Variants in SNX21 observed in about 807,000 individuals in gnomAD.
The protein encoded by SNX21 is sorting nexin family member 21, also known as sorting nexin-21.
SNX21 carries 36 observed loss-of-function variants against 30.9 expected under a neutral mutation model. The ratio of observed to expected loss-of-function variants is 1.16; its 90% CI spans 0.89 to 1.54. The LOEUF is 1.54. Among genes scored for constraint, SNX21 ranks in the 40% most tolerant of loss-of-function variants. The pLI is 0.00. For synonymous variants in SNX21, 218 were observed against 222.7 expected, an observed-to-expected ratio of 0.98 and a Z score of 0.19; for missense variants, 508 against 516.5, an observed-to-expected ratio of 0.98 and a Z score of 0.16.
At chr20:45,836,487 T>C in intron 3 of SNX21, among the ~76,000 whole-genome samples, 1 of 29,546 alleles carries the variant, frequency 3.4e-5, no homozygotes. Context: ...CGAGACTCCG[T>C]CTCAAAAAAA....
At position 45,834,260 on chromosome 20, in the gene SNX21, C is replaced by T. The variant is rs1249002444; in HGVS notation, c.81C>T (p.Pro27=). The change falls in exon 2 of 4, where the codon CCC becomes CCT. Residue 27 remains proline (P), a synonymous_variant. Coordinates refer to ENST00000491381, the MANE Select transcript of SNX21 (RefSeq NM_033421.4). Reference sequence around the variant, plus strand: ...GGCACGCCTTGGCCGGCGACGGCCCCGGGGAGGCGGCGGCCAGTCCAGAGG... The same window carrying T: ...GGCACGCCTTGGCCGGCGACGGCCCTGGGGAGGCGGCGGCCAGTCCAGAGG... ...RLRHALAGDG[P]GEAAASPEAE... The T allele has an allele frequency of 3.2e-6, 5 of 1,581,500 alleles. No homozygotes were observed. In the South Asian group the frequency reaches 4.5e-5, roughly 14 times the overall value.
chr20:45,842,769 A>T lies in SNX21; in HGVS notation c.*1456A>T. On this transcript the variant is annotated 3_prime_UTR_variant, in exon 4 of 4. Coordinates refer to ENST00000491381, the MANE Select transcript of SNX21 (RefSeq NM_033421.4). ...TGGCCCCATGATGAAGCCAAATCTG[A>T]ACCCATGTCCTCACTTCAAGGTTAT... 1 of 989,912 alleles carries T rather than the reference A, an allele frequency of 1.0e-6. No homozygotes were observed. The highest frequency in any genetic ancestry group is 1.2e-6 in the Non-Finnish European group (1 of 832,688). The allele number at this position is 989,912 out of a possible 1,614,324, so 61.3% of individuals were successfully genotyped here. A position where few individuals can be genotyped will look rare whatever the true frequency, so the allele number is the denominator to read the frequency against.
Position 45,843,209 on chromosome 20 carries a change from G to T in SNX21, c.*1896G>T. 1 of 508,202 alleles carries T rather than the reference G, an allele frequency of 2.0e-6. No homozygotes were observed. The highest frequency in any genetic ancestry group is 3.5e-6 in the Non-Finnish European group (1 of 289,168). 31.5% of individuals were successfully genotyped at this position (508,202 alleles called of 1,614,324 possible). A position where few individuals can be genotyped will look rare whatever the true frequency, so the allele number is the denominator to read the frequency against. ...GCTGTAATGTAACCCTCTTTGTTTA[G>T]ATGAGGAAACTGAGGTTCAGATGGA... On this transcript the variant is annotated 3_prime_UTR_variant, in exon 4 of 4. Coordinates refer to ENST00000491381, the MANE Select transcript of SNX21 (RefSeq NM_033421.4).
intron 3 of SNX21, 46 bp from the exon 4 acceptor site, chr20:45,840,593 G>A (rs771609031): frequency 1.2e-6 from 2 of 1,614,028 alleles, no homozygotes; most frequent in South Asian, 1.1e-5. Context: ...GAGGGAACGG[G>A]CCCGTGGACA....
chr20:45,836,268 C>T (rs1195690118), intron 3 of SNX21, among the ~76,000 whole-genome samples: 3 of 152,072 alleles, frequency 2.0e-5, no homozygotes, highest in South Asian at 4.1e-4. Flanking sequence ...GAAGCCGAGG[C>T]GGGCGGATCA....
Position 45,843,044 on chromosome 20 carries a change from C to T in SNX21, c.*1731C>T, listed in dbSNP as rs146800819. On this transcript the variant is annotated 3_prime_UTR_variant, in exon 4 of 4. Coordinates refer to ENST00000491381, the MANE Select transcript of SNX21 (RefSeq NM_033421.4). ...CGATCCCAATCAGGTTAATCAGAAT[C>T]ACTTAGAGAACTTAAAAATACAGTT... 20,490 of 1,146,100 alleles carry T rather than the reference C, an allele frequency of 0.018. 589 individuals are homozygous for T. The highest frequency in any genetic ancestry group is 0.12 in the South Asian group (6,021 of 52,188). The allele number at this position is 1,146,100 out of a possible 1,614,324, so 71.0% of individuals were successfully genotyped here.
rs13039447 is a variant in SNX21 at position 45,833,828 on chromosome 20, G to A, written c.-92G>A. ...AGCTGCCCGAGCGGCGCTCTGAGCG[G>A]CCTGAGCCCGGCGGAGCCCTGCAGA... is the stretch of plus-strand genomic sequence containing the variant. On this transcript the variant is annotated 5_prime_UTR_variant, in exon 1 of 4. Coordinates refer to ENST00000491381, the MANE Select transcript of SNX21 (RefSeq NM_033421.4). 32,495 of 1,216,686 alleles carry A rather than the reference G, an allele frequency of 0.027. 635 individuals carry two copies. Among genetic ancestry groups the A allele is most frequent in the Admixed American group, 0.13 (2,966 of 23,634 alleles). The allele number at this position is 1,216,686 out of a possible 1,614,324, so 75.4% of individuals were successfully genotyped here.
chr20:45,834,263 G>A lies in SNX21; in HGVS notation c.84G>A (p.Gly28=), dbSNP rs750737370. ...LRHALAGDGP[G]EAAASPEAEQ... is the part of the protein sequence containing the mutation. The stretch of plus-strand genomic sequence containing the variant: ...ACGCCTTGGCCGGCGACGGCCCCGG[G>A]GAGGCGGCGGCCAGTCCAGAGGCCG... Residue 28 remains glycine (G), a synonymous_variant, in exon 2 of 4, where the codon GGG becomes GGA. Coordinates refer to ENST00000491381, the MANE Select transcript of SNX21 (RefSeq NM_033421.4). 169 of 1,582,878 alleles carry A rather than the reference G, an allele frequency of 1.1e-4. No homozygotes were observed. Among genetic ancestry groups the A allele is most frequent in the Non-Finnish European group, 1.4e-4 (161 of 1,171,302 alleles).
chr20:45,839,835 G>A (rs1983887241), intron 3 of SNX21, among the ~76,000 whole-genome samples: 1 of 152,068 alleles, frequency 6.6e-6, no homozygotes, highest in Non-Finnish European at 1.5e-5. Flanking sequence ...CTTCAGCCCA[G>A]GAGGTTGAAG....
intron 3 of SNX21, among the ~76,000 whole-genome samples, chr20:45,838,062 G>A (rs564482702): frequency 2.4e-4 from 36 of 150,786 alleles, no homozygotes; most frequent in Admixed American, 1.1e-3. Flanking sequence ...GAGCCACTAC[G>A]CCCAGCCGAA....
rs1984326654 is a variant in SNX21 at position 45,842,718 on chromosome 20, C to T, written c.*1405C>T. 1.0e-6 allele frequency: 1 copy of T among 989,216 alleles called. No homozygotes were observed. The highest frequency in any genetic ancestry group is 1.2e-6 in the Non-Finnish European group (1 of 832,302). 61.3% of individuals were successfully genotyped at this position (989,216 alleles called of 1,614,324 possible). ...TGTTGTCCAGTTTTCCAGACCAGGA[C>T]TGAAATCCAGAGAGGGTCAGGAATT... is the stretch of plus-strand genomic sequence containing the variant. On this transcript the variant is annotated 3_prime_UTR_variant, in exon 4 of 4. Transcript: ENST00000491381.
At chr20:45,837,506 G>A (rs1601070368) in intron 3 of SNX21, among the ~76,000 whole-genome samples, 1 of 152,206 alleles carries the variant, frequency 6.6e-6, no homozygotes, top group African/African-American at 2.4e-5. Context: ...AAATGTGAGA[G>A]AAAGATCTGG....
intron 3 of SNX21, 60 bp downstream of exon 3, chr20:45,835,176 G>C: frequency 6.5e-7 from 1 of 1,528,982 alleles, no homozygotes; most frequent in South Asian, 1.2e-5. Flanking sequence ...GGAGCAAGTA[G>C]GGAAGACCCC....
rs1414950903 is a variant in SNX21, at chr20:45,842,067, CT to C, written c.*755del. ...AAGTTGCCAGGCTGGTCTCAAGCGC[CT>C]GGGTTCAAGGGATCCTCCCGCCTCA... On this transcript the variant is annotated 3_prime_UTR_variant, in exon 4 of 4. Coordinates refer to ENST00000491381, the MANE Select transcript of SNX21 (RefSeq NM_033421.4). 1 of 1,542,316 alleles carries C rather than the reference CT, an allele frequency of 6.5e-7. No individual in the cohort carries two copies.
chr20:45,842,403 C>A lies in SNX21; in HGVS notation c.*1090C>A. 1 of 1,208,914 alleles carries A rather than the reference C, an allele frequency of 8.3e-7. No individual in the cohort carries two copies. Among genetic ancestry groups the A allele is most frequent in the Non-Finnish European group, 1.0e-6 (1 of 968,780 alleles). 74.9% of individuals were successfully genotyped at this position (1,208,914 alleles called of 1,614,324 possible). A position where few individuals can be genotyped will look rare whatever the true frequency, so the allele number is the denominator to read the frequency against. On this transcript the variant is annotated 3_prime_UTR_variant, in exon 4 of 4. Coordinates refer to ENST00000491381, the MANE Select transcript of SNX21 (RefSeq NM_033421.4). Reference sequence around the variant, plus strand: ...TCGGCCAAGCAGAACTGCTGTACCTCTGACCACTTGTGTTAGGAAAACTAT... The same window carrying A: ...TCGGCCAAGCAGAACTGCTGTACCTATGACCACTTGTGTTAGGAAAACTAT...
In SNX21 at chr20:45,842,009, CTTTT is replaced by C. The variant is rs370136124; in HGVS notation, c.*706_*709del. On this transcript the variant is annotated 3_prime_UTR_variant, in exon 4 of 4. Coordinates refer to ENST00000491381, the MANE Select transcript of SNX21 (RefSeq NM_033421.4). Reference sequence around the variant, plus strand: ...GCCTGCTTCAGAACAGCCAAATACACTTTTTTTTTTTTTCCTGAAACAGAGTCTC... The same window carrying C: ...GCCTGCTTCAGAACAGCCAAATACACTTTTTTTTTCCTGAAACAGAGTCTC... 1.3e-5 allele frequency: 19 copies of C among 1,477,822 alleles called. No homozygotes were observed. Among genetic ancestry groups the C allele is most frequent in the African/African-American group, 1.4e-5 (1 of 71,342 alleles). The allele number at this position is 1,477,822 out of a possible 1,614,324, so 91.5% of individuals were successfully genotyped here.
chr20:45,841,511 G>A lies in SNX21; in HGVS notation c.*198G>A. 1 of 1,394,354 alleles carries A rather than the reference G, an allele frequency of 7.2e-7. No homozygotes were observed. Among genetic ancestry groups the A allele is most frequent in the Admixed American group, 3.4e-5 (1 of 29,340 alleles). The allele number at this position is 1,394,354 out of a possible 1,614,324, so 86.4% of individuals were successfully genotyped here. A position where few individuals can be genotyped will look rare whatever the true frequency, so the allele number is the denominator to read the frequency against. ...GTGAGCTTTGGCTGGGGTTGCCCTT[G>A]TGTAGTACAGGGAAGTCTGACACAG... On this transcript the variant is annotated 3_prime_UTR_variant, in exon 4 of 4. Coordinates refer to ENST00000491381, the MANE Select transcript of SNX21 (RefSeq NM_033421.4).
chr20:45,840,678 TGCCA>T lies in SNX21; in HGVS notation c.495_498del (p.Ala166ArgfsTer118), dbSNP rs1984000802. 6.2e-7 allele frequency: 1 copy of T among 1,614,026 alleles called. No individual in the cohort carries two copies. Among genetic ancestry groups the T allele is most frequent in the Admixed American group, 1.7e-5 (1 of 60,014 alleles). Reference sequence around the variant, plus strand: ...CGTGATCGGCCCAGGACCGCCAGATTGCCAGCCAGCCCAGATCTCTCGCCGTTAC... The same window carrying T: ...CGTGATCGGCCCAGGACCGCCAGATTGCCAGCCCAGATCTCTCGCCGTTAC... On this transcript the variant is annotated frameshift_variant, in exon 4 of 4. Transcript: ENST00000491381. LOFTEE classifies it high-confidence loss of function.
chr20:45,842,757 A>C lies in SNX21; in HGVS notation c.*1444A>C. On this transcript the variant is annotated 3_prime_UTR_variant, in exon 4 of 4. Coordinates refer to ENST00000491381, the MANE Select transcript of SNX21 (RefSeq NM_033421.4). ...GGGTCAGGAATTTGGCCCCATGATG[A>C]AGCCAAATCTGAACCCATGTCCTCA... 4 of 989,322 alleles carry C rather than the reference A, an allele frequency of 4.0e-6. No individual in the cohort carries two copies. Among genetic ancestry groups the C allele is most frequent in the Non-Finnish European group, 4.8e-6 (4 of 832,354 alleles). 61.3% of individuals were successfully genotyped at this position (989,322 alleles called of 1,614,324 possible).
Sources: allele counts gnomAD v4.1 joint callset (sites outside exome capture counted in the v4.1 genomes callset), GRCh38; gene constraint gnomAD v4.1.1; transcripts MANE v1.5; gene names NCBI Gene and HGNC (gene_info 2026-07-23, HGNC 2026-07-21).